Variants in NAALADL2 observed in about 807,000 individuals in gnomAD.
NAALADL2 encodes N-acetylated alpha-linked acidic dipeptidase like 2, also known as inactive N-acetylated-alpha-linked acidic dipeptidase-like protein 2.
In NAALADL2, 76 loss-of-function variants were observed where a neutral mutation model predicts 87.2. The ratio of observed to expected loss-of-function variants is 0.87; its 90% CI spans 0.72 to 1.05. The LOEUF is 1.05. Among genes scored for constraint, NAALADL2 ranks in the 50% least tolerant of loss-of-function variants. The pLI, the probability that NAALADL2 is intolerant of heterozygous loss-of-function variation, is 0.00. For missense variants in NAALADL2, 1,089 were observed against 945.8 expected, an observed-to-expected ratio of 1.15 and a Z score of -1.99; for synonymous variants, 354 against 331.0, an observed-to-expected ratio of 1.07 and a Z score of -0.75.
intron 2 of NAALADL2, among the ~76,000 whole-genome samples, chr3:175,130,200 GTATAT>G (rs56287669): frequency 0.34 from 52,080 of 151,546 alleles, 9,058 homozygotes; most frequent in East Asian, 0.45. Flanking sequence ...TATAACTTTT[GTATAT>G]TATAACTTCT....
chr3:174,774,103 C>A (rs1307161148), intron 3 of NAALADL2, among the ~76,000 whole-genome samples: 1 of 152,092 alleles, frequency 6.6e-6, no homozygotes, highest in African/African-American at 2.4e-5. Flanking sequence ...TCCTTGCTTC[C>A]AGTACTATTC....
chr3:175,525,676 T>C (rs1582254227), intron 9 of NAALADL2, among the ~76,000 whole-genome samples: 1 of 152,160 alleles, frequency 6.6e-6, no homozygotes, highest in South Asian at 2.1e-4. Context: ...TGCCTTCATT[T>C]GTGCTAATGA....
At chr3:174,817,457 AC>A (rs1720929490) in intron 3 of NAALADL2, among the ~76,000 whole-genome samples, 1 of 152,102 alleles carries the variant, frequency 6.6e-6, no homozygotes, top group South Asian at 2.1e-4. Flanking sequence ...TACCAATTAG[AC>A]AGGCACGGTG....
At chr3:175,635,621 T>G (rs1200653266) in intron 11 of NAALADL2, among the ~76,000 whole-genome samples, 1 of 152,164 alleles carries the variant, frequency 6.6e-6, no homozygotes. Flanking sequence ...AAGTAACATT[T>G]TTGGTGATAG....
intron 2 of NAALADL2, among the ~76,000 whole-genome samples, chr3:174,687,758 T>C (rs1728180733): frequency 6.6e-6 from 1 of 152,154 alleles, no homozygotes; most frequent in South Asian, 2.1e-4. Context: ...ATAATCCTCA[T>C]GTGTCAAGGG....
intron 2 of NAALADL2, among the ~76,000 whole-genome samples, chr3:175,144,676 T>A (rs748767331): frequency 1.8e-4 from 28 of 152,062 alleles, no homozygotes; most frequent in Non-Finnish European, 2.5e-4. Context: ...CGTCACTTTT[T>A]TCCTTCATAT....
At chr3:174,787,600 T>TATATATATATACACAC (rs1716912886) in intron 3 of NAALADL2, among the ~76,000 whole-genome samples, 2 of 68,474 alleles carry the variant, frequency 2.9e-5, no homozygotes, top group African/African-American at 8.7e-5. Flanking sequence ...TATATATATA[T>TATATATATATACACAC]ATATATATAT....
At chr3:175,022,393 C>T (rs1048320129) in intron 1 of NAALADL2, among the ~76,000 whole-genome samples, 2 of 151,904 alleles carry the variant, frequency 1.3e-5, no homozygotes, top group African/African-American at 2.4e-5. Flanking sequence ...TTTCTGAGAA[C>T]AGAACATTGG....
chr3:174,908,549 T>C (rs1733268044), intron 1 of NAALADL2, among the ~76,000 whole-genome samples: 1 of 152,120 alleles, frequency 6.6e-6, no homozygotes, highest in African/African-American at 2.4e-5. Flanking sequence ...AGGTCATTTG[T>C]GCGGGTATAT....
chr3:175,086,867 T>A (rs1268384223), intron 1 of NAALADL2, among the ~76,000 whole-genome samples: 1 of 152,186 alleles, frequency 6.6e-6, no homozygotes, highest in Non-Finnish European at 1.5e-5. Flanking sequence ...AGATTATTTA[T>A]CATCCTTTCT....
chr3:174,957,285 C>T (rs1741288828), intron 1 of NAALADL2, among the ~76,000 whole-genome samples: 1 of 151,948 alleles, frequency 6.6e-6, no homozygotes, highest in African/African-American at 2.4e-5. Flanking sequence ...GGGGAGACAG[C>T]ACAATGAGTC....
chr3:175,314,181 T>C (rs769585040), intron 4 of NAALADL2, among the ~76,000 whole-genome samples: 12 of 151,966 alleles, frequency 7.9e-5, no homozygotes, highest in Non-Finnish European at 1.6e-4. Context: ...TGCCCATATA[T>C]TGCTAGTACC....
At chr3:175,344,035 A>T (rs1422343666) in intron 5 of NAALADL2, among the ~76,000 whole-genome samples, 1 of 152,042 alleles carries the variant, frequency 6.6e-6, no homozygotes, top group East Asian at 1.9e-4. Context: ...GTTCTGAAAA[A>T]ATACTGGTTT....
chr3:175,597,436 C>T (rs572585074), intron 10 of NAALADL2, among the ~76,000 whole-genome samples: 5 of 151,942 alleles, frequency 3.3e-5, no homozygotes, highest in Admixed American at 6.6e-5. Context: ...AATCAAACTC[C>T]CTGGATTTAA....
chr3:174,641,116 C>A (rs910086317), intron 2 of NAALADL2, among the ~76,000 whole-genome samples: 1 of 152,088 alleles, frequency 6.6e-6, no homozygotes, highest in African/African-American at 2.4e-5. Context: ...TGCTCAGGTG[C>A]GCCCTTTAAG....
intron 2 of NAALADL2, among the ~76,000 whole-genome samples, chr3:174,714,228 G>C (rs1265708232): frequency 6.6e-6 from 1 of 152,152 alleles, no homozygotes. Flanking sequence ...TTGAAGTCAG[G>C]TCGCGTGATA....
intron 11 of NAALADL2, among the ~76,000 whole-genome samples, chr3:175,693,046 G>A (rs900606350): frequency 3.3e-5 from 5 of 152,162 alleles, no homozygotes; most frequent in African/African-American, 1.2e-4. Flanking sequence ...AATCAGCCAA[G>A]GGAATAGATG....
At chr3:175,789,641 G>T (rs572521654) in intron 13 of NAALADL2, among the ~76,000 whole-genome samples, 2 of 152,196 alleles carry the variant, frequency 1.3e-5, no homozygotes, top group East Asian at 3.9e-4. Flanking sequence ...CCAGTGCAAA[G>T]AACCCATTAC....
At chr3:174,599,918 G>C (rs1323722972) in intron 2 of NAALADL2, among the ~76,000 whole-genome samples, 1 of 152,220 alleles carries the variant, frequency 6.6e-6, no homozygotes, top group East Asian at 1.9e-4. Context: ...AGTGGAGTAA[G>C]TCTTTGAAGA....
Sources: gnomAD v4.1 joint callset for allele counts (sites outside exome capture counted in the v4.1 genomes callset) on GRCh38, gnomAD v4.1.1 for gene constraint, MANE v1.5 for transcripts, NCBI Gene and HGNC (gene_info 2026-07-23, HGNC 2026-07-21) for gene names.